Variants in MARF1 observed in about 807,000 individuals in gnomAD.
MARF1 encodes the protein meiosis regulator and mRNA stability factor 1.
Under a neutral mutation model 168.2 loss-of-function variants are expected in MARF1, and 24 were observed. The observed-to-expected ratio is 0.14, with a 90% confidence interval of 0.10 to 0.20. The LOEUF (loss-of-function observed/expected upper bound fraction) is 0.20. MARF1 is among the 10% of genes least tolerant of loss of function. MARF1 has a pLI of 1.00. For missense variants in MARF1, 1,744 were observed against 2,143.6 expected, an observed-to-expected ratio of 0.81 and a Z score of 3.68; for synonymous variants, 868 against 822.4, an observed-to-expected ratio of 1.06 and a Z score of -0.95.
intron 10 of MARF1, 42 bp downstream of exon 10, chr16:15,624,727 A>G (rs1031041104): frequency 1.9e-6 from 3 of 1,565,760 alleles, no homozygotes; most frequent in African/African-American, 1.4e-5. Context: ...AATCCTTCCT[A>G]TTACATGTAA....
chr16:15,621,766 G>A lies in MARF1; in HGVS notation c.2606C>T (p.Thr869Ile). 1 of 1,614,162 alleles carries A rather than the reference G, an allele frequency of 6.2e-7. No individual in the cohort carries two copies. Among genetic ancestry groups the A allele is most frequent in the Non-Finnish European group, 8.5e-7 (1 of 1,180,020 alleles). The change falls in exon 12 of 27, where the codon ACC becomes ATC. Residue 869 changes from threonine (T) to isoleucine (I), a missense_variant. Transcript: ENST00000396368. ...AGAGAGTGATTTGCTGGCAGCCCCGGTGGCAAGTGAGACCAGGATCTTTTT... is the reference window on the plus strand; with the variant it reads ...AGAGAGTGATTTGCTGGCAGCCCCGATGGCAAGTGAGACCAGGATCTTTTT... ...GSKKILVSLATGAASKSLSLL... is the reference protein window; with the variant it reads ...GSKKILVSLAIGAASKSLSLL...
In MARF1 at chr16:15,594,734, A is replaced by T. The variant is rs1176257066; in HGVS notation, c.*1959T>A. 2 of 152,648 alleles carry T rather than the reference A, an allele frequency of 1.3e-5. No homozygotes were observed. Among genetic ancestry groups the T allele is most frequent in the African/African-American group, 2.4e-5 (1 of 41,444 alleles). 9.5% of individuals were successfully genotyped at this position (152,648 alleles called of 1,614,324 possible). A position where few individuals can be genotyped will look rare whatever the true frequency, so the allele number is the denominator to read the frequency against. ...CCATTGTGGAGTACATTATGAACAC[A>T]ATGTGCTTCCGAAGTCTTCTCTCTC... On this transcript the variant is annotated 3_prime_UTR_variant, in exon 27 of 27. Coordinates refer to ENST00000396368, the MANE Select transcript of MARF1 (RefSeq NM_014647.4).
At chr16:15,631,755 C>G (rs1397801305) in intron 5 of MARF1, among the ~76,000 whole-genome samples, 1 of 152,078 alleles carries the variant, frequency 6.6e-6, no homozygotes, top group Non-Finnish European at 1.5e-5. Context: ...TCCCCCAACC[C>G]CGACAGACAG....
chr16:15,642,568 T>C (rs1000939279), intron 1 of MARF1: 3 of 152,164 alleles, frequency 2.0e-5, no homozygotes, highest in Non-Finnish European at 2.9e-5. Context: ...TTACAACTAC[T>C]AGTGAGAGTG....
intron 5 of MARF1, 33 bp from the exon 6 acceptor site, chr16:15,631,531 G>A: frequency 6.8e-7 from 1 of 1,467,042 alleles, no homozygotes; most frequent in South Asian, 1.2e-5. Context: ...TGAATAAGCA[G>A]GAGCTGAGGC....
intron 22 of MARF1, 62 bp from the exon 23 acceptor site, chr16:15,602,265 GA>G: frequency 7.2e-7 from 1 of 1,392,158 alleles, no homozygotes; most frequent in East Asian, 2.3e-5. Context: ...CGTGGAAAGT[GA>G]AGGCCTCCCA....
At chr16:15,634,040 T>C (rs1031946855) in intron 4 of MARF1, among the ~76,000 whole-genome samples, 197 bp from the exon 5 acceptor site, 3 of 152,178 alleles carry the variant, frequency 2.0e-5, no homozygotes, top group Admixed American at 2.0e-4. Context: ...AAGAGATTAT[T>C]TCTGTTTTTC....
Position 15,622,973 on chromosome 16 carries a change from C to T in MARF1, c.2421G>A (p.Leu807=), listed in dbSNP as rs1228109480. 1.3e-6 allele frequency: 2 copies of T among 1,590,834 alleles called. No individual in the cohort carries two copies. Among genetic ancestry groups the T allele is most frequent in the Non-Finnish European group, 1.7e-6 (2 of 1,161,864 alleles). ...CAAATGCTTCCTGCAGGAGCTGCTG[C>T]AGCTCCTTCCGGGATAATCTGTAGT... The part of the protein sequence containing the change: ...NIDYRLSRKE[L]QQLLQEAFAR... The change falls in exon 11 of 27, where the codon CTG becomes CTA. Residue 807 remains leucine (L), a synonymous_variant. Coordinates refer to ENST00000396368, the MANE Select transcript of MARF1 (RefSeq NM_014647.4).
chr16:15,609,722 C>T lies in MARF1; in HGVS notation c.3755G>A (p.Arg1252His). The T allele has an allele frequency of 6.2e-7, 1 of 1,612,370 alleles. No individual in the cohort carries two copies. ...TGTCCTTTCTATTTCATCCTGAGTG[C>T]GTTCTTTTAAAAAAACCAAAAAACA... ...EMVICIPKRE[R>H]TQDEIERTKQ... is the part of the protein sequence containing the mutation. The change falls in exon 20 of 27, where the codon CGC becomes CAC. Residue 1252 changes from arginine (R) to histidine (H), a missense_variant. By Grantham distance (29) the Arg-to-His change is conservative. Transcript: ENST00000396368.
chr16:15,604,290 G>A lies in MARF1; in HGVS notation c.4291C>T (p.His1431Tyr). 1 of 1,613,966 alleles carries A rather than the reference G, an allele frequency of 6.2e-7. No individual in the cohort carries two copies. The highest frequency in any genetic ancestry group is 1.1e-5 in the South Asian group (1 of 91,080). ...VLLMSWEGTT[H>Y]LSVEELKRHY... ...CTCTTGAGCTCCTCAACAGAAAGATGGGTGGTTCCTTCCCAAGACATCAAC... is the reference window on the plus strand; with the variant it reads ...CTCTTGAGCTCCTCAACAGAAAGATAGGTGGTTCCTTCCCAAGACATCAAC... Residue 1431 changes from histidine (H) to tyrosine (Y), a missense_variant, in exon 22 of 27, where the codon CAT becomes TAT. Transcript: ENST00000396368.
Position 15,611,048 on chromosome 16 carries a change from T to C in MARF1, c.3678A>G (p.Val1226=). Residue 1226 remains valine, a synonymous_variant, in exon 19 of 27, where the codon GTA becomes GTG. Transcript: ENST00000396368. ...AGATGGTTGTGTCTGGAATCTCTGA[T>C]ACGATGTCAATCAACTCACAAACAC... ...EYGVCELIDI[V]SEIPDTTICL... 2 of 1,613,814 alleles carry C rather than the reference T, an allele frequency of 1.2e-6. No individual in the cohort carries two copies. The highest frequency in any genetic ancestry group is 1.1e-5 in the South Asian group (1 of 91,068).
At chr16:15,609,498 A>G in intron 20 of MARF1, 25 bp downstream of exon 20, 1 of 1,582,728 alleles carries the variant, frequency 6.3e-7, no homozygotes, top group Non-Finnish European at 8.7e-7. Context: ...AAAATACTTT[A>G]TAAAATTAGA....
At chr16:15,599,172 A>C (rs1003547569) in intron 25 of MARF1, 148 bp from the exon 26 acceptor site, 173 of 779,304 alleles carry the variant, frequency 2.2e-4, no homozygotes, top group Middle Eastern at 1.5e-3. Flanking sequence ...AAAAAAAAAA[A>C]AAACAAAAAC....
chr16:15,622,833 A>G (rs2034561270), intron 11 of MARF1, 101 bp downstream of exon 11: 1 of 925,842 alleles, frequency 1.1e-6, no homozygotes, highest in African/African-American at 1.6e-5. Flanking sequence ...GTTCAGTCAC[A>G]CTTCTATCCC....
intron 5 of MARF1, 130 bp from the exon 6 acceptor site, chr16:15,631,628 C>A (rs2035262126): frequency 1.9e-6 from 1 of 523,476 alleles, no homozygotes; most frequent in Non-Finnish European, 3.3e-6. Flanking sequence ...GCAGAACGTG[C>A]AGGTTTGTTA....
At chr16:15,610,640 A>G in intron 19 of MARF1, 1 of 216,648 alleles carries the variant, frequency 4.6e-6, no homozygotes, top group South Asian at 9.2e-5. Flanking sequence ...TCAACAGAAG[A>G]GCAAAGCCAA....
rs764204031 is a variant in MARF1, at chr16:15,596,834, G to A, written c.5088C>T (p.Val1696=). The A allele has an allele frequency of 6.2e-5, 100 of 1,614,180 alleles. No homozygotes were observed. The highest frequency in any genetic ancestry group is 7.2e-5 in the Non-Finnish European group (85 of 1,180,028). ...DSSSSCISAA[V]PVPPCPSSET... ...CCGAGGAGGGGCAGGGAGGCACGGG[G>A]ACAGCTGCTGAGATGCAGGACGAGC... Residue 1696 remains valine (V), a synonymous_variant, in exon 27 of 27, where the codon GTC becomes GTT. Transcript: ENST00000396368.
Position 15,609,721 on chromosome 16 carries a change from G to A in MARF1, c.3756C>T (p.Arg1252=), listed in dbSNP as rs1377103190. Reference sequence around the variant, plus strand: ...TTGTCCTTTCTATTTCATCCTGAGTGCGTTCTTTTAAAAAAACCAAAAAAC... The same window carrying A: ...TTGTCCTTTCTATTTCATCCTGAGTACGTTCTTTTAAAAAAACCAAAAAAC... The part of the protein sequence containing the change: ...EMVICIPKRE[R]TQDEIERTKQ... Residue 1252 remains arginine (R), a synonymous_variant, in exon 20 of 27, where the codon CGC becomes CGT. Coordinates refer to ENST00000396368, the MANE Select transcript of MARF1 (RefSeq NM_014647.4). The A allele has an allele frequency of 1.2e-6, 2 of 1,612,342 alleles. No homozygotes were observed. The highest frequency in any genetic ancestry group is 1.7e-6 in the Non-Finnish European group (2 of 1,179,194).
intron 21 of MARF1, among the ~76,000 whole-genome samples, chr16:15,607,444 G>A (rs2033111895): frequency 6.6e-6 from 1 of 152,122 alleles, no homozygotes; most frequent in African/African-American, 2.4e-5. Context: ...AGCTACCCAG[G>A]AGGCTGAGGA....
Sources: gnomAD v4.1 joint callset for allele counts (sites outside exome capture counted in the v4.1 genomes callset) on GRCh38, gnomAD v4.1.1 for gene constraint, MANE v1.5 for transcripts, NCBI Gene and HGNC (gene_info 2026-07-23, HGNC 2026-07-21) for gene names.